SYNPO: variants seen among roughly 807,000 people sequenced by gnomAD.
SYNPO encodes the protein synaptopodin.
In SYNPO, 19 loss-of-function variants were observed where a neutral mutation model predicts 49.5. The ratio of observed to expected loss-of-function variants is 0.38; its 90% CI spans 0.27 to 0.56. SYNPO has a LOEUF of 0.56. Ranked by LOEUF, SYNPO falls within the 20% of genes least tolerant of loss-of-function variation. The pLI is 0.68. For synonymous variants in SYNPO, 536 were observed against 548.0 expected, an observed-to-expected ratio of 0.98 and a Z score of 0.31; for missense variants, 1,131 against 1,248.3, an observed-to-expected ratio of 0.91 and a Z score of 1.42.
chr5:150,616,383 T>C (rs1049729153), intron 1 of SYNPO, among the ~76,000 whole-genome samples: 1 of 152,218 alleles, frequency 6.6e-6, no homozygotes, highest in African/African-American at 2.4e-5. Flanking sequence ...GAGTTCACAC[T>C]TGCCTGAGTT....
At chr5:150,639,261 C>T (rs1055936700), upstream of SYNPO, among the ~76,000 whole-genome samples, 2 of 152,224 alleles carry the variant, frequency 1.3e-5, no homozygotes, top group Non-Finnish European at 2.9e-5. Flanking sequence ...CTCTGCCCTC[C>T]CTGATCCCGA....
At chr5:150,627,949 G>T (rs949925513) in intron 2 of SYNPO, among the ~76,000 whole-genome samples, 1 of 152,058 alleles carries the variant, frequency 6.6e-6, no homozygotes, top group Non-Finnish European at 1.5e-5. Context: ...CCTGAGATCT[G>T]GTCAGAGGGG....
intron 2 of SYNPO, among the ~76,000 whole-genome samples, chr5:150,621,032 G>C (rs1384000001): frequency 6.9e-6 from 1 of 145,614 alleles, no homozygotes; most frequent in South Asian, 2.2e-4. Flanking sequence ...GGCTCATTGC[G>C]ACCTCCGCCT....
intron 1 of SYNPO, among the ~76,000 whole-genome samples, chr5:150,608,797 T>C (rs1339152829): frequency 6.6e-6 from 1 of 152,186 alleles, no homozygotes; most frequent in Non-Finnish European, 1.5e-5. Context: ...AGCTTTGGAA[T>C]GTATAAAAGA....
chr5:150,647,224 CAA>C (rs1012525876), intron 1 of SYNPO, among the ~76,000 whole-genome samples: 10 of 133,554 alleles, frequency 7.5e-5, no homozygotes, highest in African/African-American at 1.2e-4. Context: ...GCCTGGGCGA[CAA>C]GAGCAAAAAC....
rs758857838 is a variant in SYNPO at position 150,648,242 on chromosome 5, C to A, written c.-34C>A. ...CAGGCCCTCCACGGCACCCCAGTCC[C>A]CAGAGCCCCGACAGAGGGGTCCCTG... is the stretch of plus-strand genomic sequence containing the variant. On this transcript the variant is annotated 5_prime_UTR_variant, in exon 2 of 3. Transcript: ENST00000307662. The surrounding 1 kb of genome is among the most constrained non-coding windows in gnomAD (Gnocchi z 5.0). 2 of 1,613,378 alleles carry A rather than the reference C, an allele frequency of 1.2e-6. No individual in the cohort carries two copies. Among genetic ancestry groups the A allele is most frequent in the African/African-American group, 2.7e-5 (2 of 74,920 alleles).
chr5:150,601,022 T>A (rs560133574), upstream of SYNPO: 3 of 151,276 alleles, frequency 2.0e-5, no homozygotes, highest in South Asian at 6.3e-4. Context: ...CTCCCCTCCC[T>A]CCCGCCCGCC....
At chr5:150,619,961 C>G (rs1561639156) in intron 2 of SYNPO, among the ~76,000 whole-genome samples, 1 of 152,168 alleles carries the variant, frequency 6.6e-6, no homozygotes, top group Non-Finnish European at 1.5e-5. Flanking sequence ...CAGTCTTGAA[C>G]TTGGAGGTGG....
At chr5:150,645,402 C>T (rs779580596) in intron 1 of SYNPO, among the ~76,000 whole-genome samples, 3 of 152,248 alleles carry the variant, frequency 2.0e-5, no homozygotes, top group Admixed American at 1.3e-4. Flanking sequence ...TGGTCACAGG[C>T]TGATCCATCC....
At chr5:150,622,866 A>C (rs1368157634) in intron 2 of SYNPO, among the ~76,000 whole-genome samples, 1 of 152,194 alleles carries the variant, frequency 6.6e-6, no homozygotes. Flanking sequence ...CTCACCATGC[A>C]CTCACACATA....
chr5:150,611,126 C>T (rs1351508815), intron 1 of SYNPO, among the ~76,000 whole-genome samples: 4 of 152,138 alleles, frequency 2.6e-5, no homozygotes, highest in South Asian at 2.1e-4. Context: ...CTTAATGACA[C>T]GTAGCACTCC....
intron 1 of SYNPO, among the ~76,000 whole-genome samples, chr5:150,604,014 C>A (rs1294941543): frequency 6.6e-6 from 1 of 152,186 alleles, no homozygotes; most frequent in Non-Finnish European, 1.5e-5. Context: ...AGTCCTTGGG[C>A]CTGGATTCCC....
chr5:150,618,290 C>T (rs1261814334), exon 2 of SYNPO: 1 of 1,456,706 alleles, frequency 6.9e-7, no homozygotes, highest in Non-Finnish European at 9.1e-7. Context: ...GACCAGGGCT[C>T]ACACAGCTGG....
At chr5:150,629,299 G>C (rs1757463978) in intron 2 of SYNPO, among the ~76,000 whole-genome samples, 1 of 152,186 alleles carries the variant, frequency 6.6e-6, no homozygotes, top group Non-Finnish European at 1.5e-5. Flanking sequence ...GCCCGGCCTA[G>C]GAACAGGTTT....
At chr5:150,647,212 T>C (rs1054298546) in intron 1 of SYNPO, among the ~76,000 whole-genome samples, 2 of 148,456 alleles carry the variant, frequency 1.3e-5, no homozygotes, top group African/African-American at 5.0e-5. Context: ...CGCTGCGCTC[T>C]AGCCTGGGCG....
At chr5:150,600,848 T>G (rs1756508268), upstream of SYNPO, among the ~76,000 whole-genome samples, 1 of 152,100 alleles carries the variant, frequency 6.6e-6, no homozygotes, top group African/African-American at 2.4e-5. Context: ...AAGTCAGTAC[T>G]CTGATGTGTG....
intron 1 of SYNPO, among the ~76,000 whole-genome samples, chr5:150,609,401 TCTC>T (rs35180737): frequency 0.022 from 3,338 of 152,296 alleles, 83 homozygotes; most frequent in East Asian, 0.12. Context: ...TTCAAGCAAT[TCTC>T]CTGCCTCAGC....
intron 2 of SYNPO, among the ~76,000 whole-genome samples, chr5:150,628,877 C>T (rs1247719074): frequency 6.6e-6 from 1 of 152,232 alleles, no homozygotes; most frequent in African/African-American, 2.4e-5. Flanking sequence ...CATTGCACTC[C>T]AGCCTGGGAG....
chr5:150,624,936 G>A, intron 2 of SYNPO: 2 of 985,538 alleles, frequency 2.0e-6, no homozygotes, highest in Non-Finnish European at 2.4e-6. Context: ...CCTGGCAGGG[G>A]TGCGGGCACC....
Sources: allele counts gnomAD v4.1 joint callset (sites outside exome capture counted in the v4.1 genomes callset), GRCh38; gene constraint gnomAD v4.1.1; non-coding constraint Gnocchi (gnomAD v3.1); transcripts MANE v1.5; gene names NCBI Gene and HGNC (gene_info 2026-07-23, HGNC 2026-07-21).